The following VSTM5 variants were observed in gnomAD, a reference collection of about 807,000 sequenced individuals.
The protein encoded by VSTM5 is V-set and transmembrane domain-containing protein 5.
A neutral mutation model predicts 20.3 loss-of-function variants in VSTM5; 21 were observed. That is an observed-to-expected ratio of 1.03 (90% CI 0.73 to 1.49). VSTM5 has a LOEUF of 1.49. Ranked by LOEUF, VSTM5 falls within the 40% of genes most tolerant of loss-of-function variation. The pLI, the probability that VSTM5 is intolerant of heterozygous loss-of-function variation, is 0.00. For synonymous variants in VSTM5, 100 were observed against 102.5 expected (o/e 0.98, Z 0.14); for missense variants, 219 against 250.0 (o/e 0.88, Z 0.84).
intron 1 of VSTM5, among the ~76,000 whole-genome samples, chr11:93,846,010 GC>G (rs1944408245): frequency 1.3e-5 from 2 of 152,150 alleles, no homozygotes; most frequent in African/African-American, 4.8e-5. Context: ...TTGTATTAAA[GC>G]CTTTTTGTGG....
At chr11:93,839,994 T>C (rs1485039396) in intron 1 of VSTM5, among the ~76,000 whole-genome samples, 1 of 152,182 alleles carries the variant, frequency 6.6e-6, no homozygotes, top group Non-Finnish European at 1.5e-5. Context: ...AGGATGCATC[T>C]GCAAGCCAGG....
chr11:93,846,446 G>A (rs1944411205), intron 1 of VSTM5, among the ~76,000 whole-genome samples: 1 of 152,226 alleles, frequency 6.6e-6, no homozygotes, highest in Non-Finnish European at 1.5e-5. Context: ...GAGATGGGGA[G>A]GAAGTGTGTG....
At chr11:93,827,778 C>T (rs1326943085) in intron 1 of VSTM5, 1 of 150,182 alleles carries the variant, frequency 6.7e-6, no homozygotes, top group Non-Finnish European at 1.5e-5. Flanking sequence ...CAAGAATGAG[C>T]TTTGTATGGG....
Sources: allele counts gnomAD v4.1 joint callset (sites outside exome capture counted in the v4.1 genomes callset), GRCh38; gene constraint gnomAD v4.1.1; transcripts MANE v1.5; gene names NCBI Gene and HGNC (gene_info 2026-07-23, HGNC 2026-07-21).